LRRTM4: variants seen among roughly 807,000 people sequenced by gnomAD.
The protein encoded by LRRTM4 is leucine rich repeat transmembrane neuronal 4, also known as leucine-rich repeat transmembrane neuronal protein 4.
A neutral mutation model predicts 47.6 loss-of-function variants in LRRTM4; 25 were observed. The observed-to-expected ratio is 0.53, with a 90% CI of 0.38 to 0.73. The LOEUF (loss-of-function observed/expected upper bound fraction) is 0.73. Among genes scored for constraint, LRRTM4 ranks in the 30% least tolerant of loss-of-function variants. The probability of loss-of-function intolerance (pLI) is 0.00; values close to 1 mark genes in which losing one functional copy is unlikely to be tolerated. For synonymous variants in LRRTM4, 311 were observed against 269.5 expected, an observed-to-expected ratio of 1.15 and a Z score of -1.51; for missense variants, 638 against 713.4, an observed-to-expected ratio of 0.89 and a Z score of 1.20.
intron 3 of LRRTM4, among the ~76,000 whole-genome samples, chr2:76,753,774 A>G (rs549714314): frequency 6.6e-6 from 1 of 152,278 alleles, no homozygotes; most frequent in African/African-American, 2.4e-5. Flanking sequence ...ACATGTCTGT[A>G]TAGTAAATGT....
At chr2:77,223,412 T>C (rs1674702716) in intron 3 of LRRTM4, among the ~76,000 whole-genome samples, 1 of 152,116 alleles carries the variant, frequency 6.6e-6, no homozygotes, top group Non-Finnish European at 1.5e-5. Flanking sequence ...AAAGAGGAAG[T>C]CAAATTGTCC....
chr2:76,833,321 C>A (rs888112679), intron 3 of LRRTM4, among the ~76,000 whole-genome samples: 1 of 152,008 alleles, frequency 6.6e-6, no homozygotes, highest in Non-Finnish European at 1.5e-5. Context: ...TGTAAATATG[C>A]CATTTGTCCT....
intron 3 of LRRTM4, among the ~76,000 whole-genome samples, chr2:76,924,947 G>C (rs1674542409): frequency 6.6e-6 from 1 of 152,042 alleles, no homozygotes; most frequent in South Asian, 2.1e-4. Context: ...CACAGTTCCA[G>C]GAAGACCTCT....
chr2:77,218,259 G>A (rs1573092710), intron 3 of LRRTM4, among the ~76,000 whole-genome samples: 1 of 152,150 alleles, frequency 6.6e-6, no homozygotes, highest in Non-Finnish European at 1.5e-5. Flanking sequence ...CTCCCAACAT[G>A]CTGGGACTGT....
chr2:76,795,862 C>T (rs374623492), intron 3 of LRRTM4, among the ~76,000 whole-genome samples: 22 of 152,062 alleles, frequency 1.4e-4, no homozygotes, highest in Admixed American at 5.2e-4. Flanking sequence ...CCAGCGTGAG[C>T]GACGCAGAAG....
At chr2:76,911,158 C>G (rs1051062764) in intron 3 of LRRTM4, among the ~76,000 whole-genome samples, 1 of 152,018 alleles carries the variant, frequency 6.6e-6, no homozygotes, top group African/African-American at 2.4e-5. Flanking sequence ...TTGCTTTTCT[C>G]GAAAGCATGG....
At chr2:77,406,993 C>G (rs1674216790) in intron 3 of LRRTM4, among the ~76,000 whole-genome samples, 1 of 152,086 alleles carries the variant, frequency 6.6e-6, no homozygotes, top group African/African-American at 2.4e-5. Context: ...ACAAAGTTAA[C>G]TACTGTAAAG....
At chr2:76,831,349 T>G (rs1268264777) in intron 3 of LRRTM4, among the ~76,000 whole-genome samples, 1 of 152,178 alleles carries the variant, frequency 6.6e-6, no homozygotes, top group Non-Finnish European at 1.5e-5. Flanking sequence ...GTGCACACGC[T>G]CGCATTTGTG....
intron 3 of LRRTM4, among the ~76,000 whole-genome samples, chr2:77,212,649 A>C (rs1208203215): frequency 6.6e-6 from 1 of 151,730 alleles, no homozygotes; most frequent in African/African-American, 2.4e-5. Context: ...ACACCAAATA[A>C]CCGACAAATT....
chr2:76,983,481 C>T (rs181429165), intron 3 of LRRTM4, among the ~76,000 whole-genome samples: 31 of 151,942 alleles, frequency 2.0e-4, no homozygotes, highest in Admixed American at 1.8e-3. Flanking sequence ...GTTCCCTGCA[C>T]GAGCTCTCTT....
At chr2:77,282,440 T>A (rs187461859) in intron 3 of LRRTM4, among the ~76,000 whole-genome samples, 6 of 151,798 alleles carry the variant, frequency 4.0e-5, no homozygotes, top group South Asian at 2.1e-4. Flanking sequence ...TTATTTATTT[T>A]TTTCTTTTCC....
intron 3 of LRRTM4, among the ~76,000 whole-genome samples, chr2:76,783,947 A>G (rs2104171659): frequency 6.6e-6 from 1 of 152,308 alleles, no homozygotes; most frequent in Admixed American, 6.5e-5. Context: ...TTCATTAGTA[A>G]AAATGTAGAA....
intron 3 of LRRTM4, among the ~76,000 whole-genome samples, chr2:76,781,743 C>G (rs75054591): frequency 1.1e-4 from 14 of 132,892 alleles, no homozygotes; most frequent in African/African-American, 5.0e-4. Flanking sequence ...AGCTATAGAC[C>G]GGAGCTGTTC....
intron 3 of LRRTM4, among the ~76,000 whole-genome samples, chr2:77,398,828 G>T (rs1357612825): frequency 6.6e-6 from 1 of 151,774 alleles, no homozygotes; most frequent in South Asian, 2.1e-4. Flanking sequence ...AAGGAATCTA[G>T]AAGTGGCCAA....
chr2:76,905,291 T>A (rs1287583127), intron 3 of LRRTM4, among the ~76,000 whole-genome samples: 1 of 152,208 alleles, frequency 6.6e-6, no homozygotes. Flanking sequence ...CTGAGGGTCC[T>A]GTCTGTTAGA....
chr2:77,264,920 T>C (rs1399405688), intron 3 of LRRTM4, among the ~76,000 whole-genome samples: 1 of 152,104 alleles, frequency 6.6e-6, no homozygotes, highest in Non-Finnish European at 1.5e-5. Flanking sequence ...AAATCTAGTT[T>C]GTTTTAGTGG....
Position 77,453,382 on chromosome 2 carries a change from G to A in LRRTM4, c.1551+64936C>T, listed in dbSNP as rs11891829. On this transcript the variant is annotated intron_variant, in intron 3 of 3. Transcript: ENST00000409884. ...ATTTTTAGTAGAGACGGGGTTCACC[G>A]TGTTAGCAAGGATGGTCTTGATCTC... Among the ~76,000 whole-genome samples the A allele has an allele frequency of 2.6e-3, 402 of 151,766 alleles. 1 individual carries two copies. Among genetic ancestry groups the A allele is most frequent in the African/African-American group, 9.0e-3 (372 of 41,406 alleles).
intron 3 of LRRTM4, among the ~76,000 whole-genome samples, chr2:77,043,243 A>G (rs1306851442): frequency 6.6e-6 from 1 of 151,802 alleles, no homozygotes; most frequent in African/African-American, 2.4e-5. Flanking sequence ...AGTTGCCTCT[A>G]GTCTACCCAT....
intron 3 of LRRTM4, among the ~76,000 whole-genome samples, chr2:77,498,522 C>A (rs1050901417): frequency 6.6e-6 from 1 of 151,780 alleles, no homozygotes; most frequent in Admixed American, 6.6e-5. Flanking sequence ...CCTTCCCATA[C>A]ACATAATAGG....
Sources: allele counts gnomAD v4.1 joint callset (sites outside exome capture counted in the v4.1 genomes callset), GRCh38; gene constraint gnomAD v4.1.1; transcripts MANE v1.5; gene names NCBI Gene and HGNC (gene_info 2026-07-23, HGNC 2026-07-21).